Variants in RPS6KC1 observed in about 807,000 individuals in gnomAD.
RPS6KC1 encodes the protein ribosomal protein S6 kinase C1.
RPS6KC1 carries 54 observed loss-of-function variants against 103.8 expected under a neutral mutation model. The observed-to-expected ratio is 0.52, with a 90% CI of 0.42 to 0.65. RPS6KC1 has a LOEUF of 0.65. Among genes scored for constraint, RPS6KC1 ranks in the 30% least tolerant of loss-of-function variants. The probability of loss-of-function intolerance (pLI) is 0.00; values close to 1 mark genes in which losing one functional copy is unlikely to be tolerated. For missense variants in RPS6KC1, 1,151 were observed against 1,253.8 expected, an observed-to-expected ratio of 0.92 and a Z score of 1.24; for synonymous variants, 439 against 438.7, an observed-to-expected ratio of 1.00 and a Z score of -0.01.
the RPS6KC1 span, among the ~76,000 whole-genome samples, chr1:213,501,120 T>A: frequency 1.3e-5 from 2 of 152,144 alleles, no homozygotes. Flanking sequence ...GATTCTAAAG[T>A]TAGCTCAGTG....
chr1:213,352,472 G>C, the RPS6KC1 span, among the ~76,000 whole-genome samples: 18 of 152,070 alleles, frequency 1.2e-4, no homozygotes, highest in African/African-American at 4.3e-4. Context: ...GGCAAGACTG[G>C]GGATCTGGGA....
At chr1:213,694,053 A>G in the RPS6KC1 span, among the ~76,000 whole-genome samples, 2 of 152,204 alleles carry the variant, frequency 1.3e-5, no homozygotes, top group Non-Finnish European at 1.5e-5. Context: ...CCCAGCCAGC[A>G]TCTTCACAAT....
the RPS6KC1 span, among the ~76,000 whole-genome samples, chr1:213,725,345 T>C: frequency 6.6e-6 from 1 of 152,362 alleles, no homozygotes; most frequent in African/African-American, 2.4e-5. Flanking sequence ...TCAATTACAA[T>C]GAAGTCTTCT....
chr1:213,604,925 A>G, the RPS6KC1 span, among the ~76,000 whole-genome samples: 1 of 152,110 alleles, frequency 6.6e-6, no homozygotes, highest in Admixed American at 6.5e-5. Context: ...GCATTGGGGA[A>G]CTAGCACCTT....
the RPS6KC1 span, among the ~76,000 whole-genome samples, chr1:213,306,570 T>C: frequency 6.6e-6 from 1 of 152,214 alleles, no homozygotes; most frequent in Admixed American, 6.5e-5. Flanking sequence ...CCCAGGAATC[T>C]ACTTATATTT....
the RPS6KC1 span, among the ~76,000 whole-genome samples, chr1:213,831,565 A>G: frequency 6.6e-6 from 1 of 152,364 alleles, no homozygotes; most frequent in South Asian, 2.1e-4. Context: ...AAGCCACTAC[A>G]TTTGTGGTAA....
the RPS6KC1 span, among the ~76,000 whole-genome samples, chr1:213,760,277 C>T: frequency 1.2e-4 from 18 of 152,094 alleles, no homozygotes; most frequent in Non-Finnish European, 2.1e-4. Context: ...CACCCACAGC[C>T]GCTGCTTCAT....
At chr1:213,488,267 A>G in the RPS6KC1 span, among the ~76,000 whole-genome samples, 1,049 of 152,342 alleles carry the variant, frequency 6.9e-3, 12 homozygotes, top group African/African-American at 0.024. Flanking sequence ...TTAACAACAC[A>G]ATGTAGCTGA....
chr1:213,264,446 T>G (rs1558658505), intron 14 of RPS6KC1, among the ~76,000 whole-genome samples: 1 of 152,172 alleles, frequency 6.6e-6, no homozygotes. Context: ...CAACTGCTAT[T>G]TTTTGTTTCT....
At chr1:213,155,988 C>A (rs2089843852) in intron 6 of RPS6KC1, among the ~76,000 whole-genome samples, 1 of 152,160 alleles carries the variant, frequency 6.6e-6, no homozygotes, top group African/African-American at 2.4e-5. Flanking sequence ...TGGTAAAATT[C>A]AAAATGTTAC....
At chr1:213,759,603 C>T in the RPS6KC1 span, among the ~76,000 whole-genome samples, 2 of 151,052 alleles carry the variant, frequency 1.3e-5, no homozygotes, top group Admixed American at 6.6e-5. Flanking sequence ...AGGGCTTAAA[C>T]CCTGTCTGGT....
At chr1:213,368,294 G>C in the RPS6KC1 span, among the ~76,000 whole-genome samples, 2 of 152,194 alleles carry the variant, frequency 1.3e-5, no homozygotes, top group African/African-American at 2.4e-5. Flanking sequence ...GTTTTATGCT[G>C]TAGGGGTTTC....
At chr1:213,772,960 G>A in the RPS6KC1 span, among the ~76,000 whole-genome samples, 1 of 152,190 alleles carries the variant, frequency 6.6e-6, no homozygotes, top group African/African-American at 2.4e-5. Context: ...CTCCCAGACA[G>A]ATGGCTCCCC....
the RPS6KC1 span, among the ~76,000 whole-genome samples, chr1:213,853,808 T>C: frequency 6.6e-6 from 1 of 152,228 alleles, no homozygotes; most frequent in African/African-American, 2.4e-5. Context: ...GATTCACTCC[T>C]GATGCTCTAA....
At chr1:213,438,103 A>T in the RPS6KC1 span, among the ~76,000 whole-genome samples, 15 of 151,986 alleles carry the variant, frequency 9.9e-5, no homozygotes, top group Non-Finnish European at 2.2e-4. Context: ...TTACTTCTTA[A>T]CATTTGTAAT....
At chr1:213,223,554 C>T (rs1395085427) in intron 8 of RPS6KC1, among the ~76,000 whole-genome samples, 1 of 152,134 alleles carries the variant, frequency 6.6e-6, no homozygotes, top group Non-Finnish European at 1.5e-5. Flanking sequence ...CTTTTTATGG[C>T]TGAGTAGTAT....
At chr1:213,152,099 G>C (rs1177377815) in intron 6 of RPS6KC1, among the ~76,000 whole-genome samples, 12 of 139,530 alleles carry the variant, frequency 8.6e-5, no homozygotes, top group Non-Finnish European at 1.6e-4. Context: ...TGGCTGGGCA[G>C]AGGGGCTCCT....
chr1:213,263,864 GGTA>G (rs1224569885), intron 14 of RPS6KC1, among the ~76,000 whole-genome samples: 1 of 152,104 alleles, frequency 6.6e-6, no homozygotes, highest in African/African-American at 2.4e-5. Flanking sequence ...TCCGTGGAGT[GGTA>G]GTATTAGGGG....
chr1:213,242,846 G>GTA (rs758219899), intron 12 of RPS6KC1, among the ~76,000 whole-genome samples, 188 bp downstream of exon 12: 33 of 152,122 alleles, frequency 2.2e-4, no homozygotes, highest in East Asian at 1.9e-3. Context: ...GTATATATGT[G>GTA]TATATATGTA....
Sources: allele counts gnomAD v4.1 joint callset (sites outside exome capture counted in the v4.1 genomes callset), GRCh38; gene constraint gnomAD v4.1.1; transcripts MANE v1.5; gene names NCBI Gene and HGNC (gene_info 2026-07-23, HGNC 2026-07-21).